KHDRBS2: variants seen among roughly 807,000 people sequenced by gnomAD.
KHDRBS2 encodes the protein KH domain-containing, RNA-binding, signal transduction-associated protein 2.
KHDRBS2 carries 26 observed loss-of-function variants against 44.3 expected under a neutral mutation model. The ratio of observed to expected loss-of-function variants is 0.59; its 90% CI spans 0.43 to 0.81. KHDRBS2 has a LOEUF of 0.81. KHDRBS2 is among the 40% of genes least tolerant of loss of function. KHDRBS2 has a pLI of 0.00. For missense variants in KHDRBS2, 476 were observed against 433.1 expected (o/e 1.10, Z -0.88); for synonymous variants, 194 against 151.1 (o/e 1.28, Z -2.08).
chr6:61,578,159 G>A, the KHDRBS2 span, among the ~76,000 whole-genome samples: 1 of 152,200 alleles, frequency 6.6e-6, no homozygotes, highest in Non-Finnish European at 1.5e-5. Flanking sequence ...GGGCTGAAGG[G>A]TTGTGGGATG....
chr6:61,865,995 G>A (rs113582515), intron 6 of KHDRBS2, among the ~76,000 whole-genome samples: 1,671 of 152,306 alleles, frequency 0.011, 19 homozygotes, highest in Non-Finnish European at 0.015. Context: ...ACTAACTGGC[G>A]TTGTGTGTCT....
chr6:62,137,281 G>A (rs1419459857), intron 2 of KHDRBS2, among the ~76,000 whole-genome samples: 3 of 152,198 alleles, frequency 2.0e-5, no homozygotes, highest in Non-Finnish European at 2.9e-5. Context: ...GATTACAGGC[G>A]TGAGCCACCG....
At chr6:61,786,195 A>T (rs986433236) in intron 6 of KHDRBS2, among the ~76,000 whole-genome samples, 3 of 152,032 alleles carry the variant, frequency 2.0e-5, no homozygotes, top group African/African-American at 7.2e-5. Flanking sequence ...GGAGAGGGAG[A>T]GAGAGAGAGA....
chr6:61,730,483 G>C (rs1368611558), intron 7 of KHDRBS2, among the ~76,000 whole-genome samples: 1 of 152,064 alleles, frequency 6.6e-6, no homozygotes, highest in Non-Finnish European at 1.5e-5. Context: ...ATTAGAAAAG[G>C]ATTTGGAACA....
At chr6:61,944,371 A>G (rs1296373247) in intron 4 of KHDRBS2, among the ~76,000 whole-genome samples, 1 of 152,130 alleles carries the variant, frequency 6.6e-6, no homozygotes, top group Non-Finnish European at 1.5e-5. Flanking sequence ...ATTGAACTGA[A>G]AGTTATTATG....
At chr6:62,078,152 T>C (rs901923236) in intron 2 of KHDRBS2, among the ~76,000 whole-genome samples, 4 of 152,084 alleles carry the variant, frequency 2.6e-5, no homozygotes, top group Admixed American at 6.6e-5. Flanking sequence ...ACTCTAATCA[T>C]GTAACACCCT....
the KHDRBS2 span, among the ~76,000 whole-genome samples, chr6:61,636,474 G>A: frequency 1.3e-5 from 2 of 151,972 alleles, no homozygotes; most frequent in Admixed American, 6.6e-5. Context: ...TCCTCAAATG[G>A]AAATTGTTCT....
chr6:61,931,288 G>A lies in KHDRBS2; in HGVS notation c.484-29917C>T, dbSNP rs1466528399. 2.0e-5 allele frequency among the ~76,000 whole-genome samples: 3 copies of A among 151,902 alleles called. No homozygotes were observed. The East Asian group carries it at 5.8e-4, about 29-fold the overall frequency. ...GTTCATAAATCCGTAACCCTCTGAA[G>A]GTCATTTACTGAAACTTTCAGGTAA... On this transcript the variant is annotated intron_variant, in intron 4 of 8. Coordinates refer to ENST00000281156, the MANE Select transcript of KHDRBS2 (RefSeq NM_152688.4).
intron 4 of KHDRBS2, among the ~76,000 whole-genome samples, chr6:61,973,039 C>T (rs1393722276): frequency 6.6e-6 from 1 of 152,040 alleles, no homozygotes; most frequent in Non-Finnish European, 1.5e-5. Context: ...CCAGCTAAGG[C>T]AGGAGAATCA....
At chr6:61,616,479 A>G in the KHDRBS2 span, among the ~76,000 whole-genome samples, 2 of 31,578 alleles carry the variant, frequency 6.3e-5, no homozygotes, top group African/African-American at 1.1e-4. Flanking sequence ...ACATATATAT[A>G]TATATATATA....
intron 1 of KHDRBS2, among the ~76,000 whole-genome samples, chr6:62,274,959 A>C (rs1840678729): frequency 6.6e-6 from 1 of 151,482 alleles, no homozygotes; most frequent in Admixed American, 6.6e-5. Context: ...ACACATCCCA[A>C]TTAACGTATG....
chr6:62,071,941 A>AT (rs1305207864), intron 2 of KHDRBS2, among the ~76,000 whole-genome samples: 8 of 152,074 alleles, frequency 5.3e-5, no homozygotes, highest in Admixed American at 5.2e-4. Context: ...CAGTATGGCC[A>AT]TTTTCATGAT....
intron 2 of KHDRBS2, among the ~76,000 whole-genome samples, chr6:62,124,299 AG>A (rs1808433511): frequency 6.6e-6 from 1 of 152,140 alleles, no homozygotes; most frequent in Non-Finnish European, 1.5e-5. Context: ...AGTTGCTCAT[AG>A]TTCTGTCATG....
intron 2 of KHDRBS2, among the ~76,000 whole-genome samples, chr6:62,124,700 A>G (rs1306494509): frequency 2.0e-5 from 3 of 152,146 alleles, no homozygotes; most frequent in Non-Finnish European, 4.4e-5. Flanking sequence ...TATGATAAAT[A>G]CACAAGTGCA....
rs796373992 is a variant in KHDRBS2 at position 61,848,551 on chromosome 6, A to G, written c.810+46084T>C. 1.6e-3 allele frequency among the ~76,000 whole-genome samples: 69 copies of G among 42,794 alleles called. 6 individuals are homozygous for G. Among genetic ancestry groups the G allele is most frequent in the South Asian group, 3.1e-3 (4 of 1,288 alleles). The allele number at this position is 42,794 out of a possible 152,430, so 28.1% of individuals were successfully genotyped here. A position where few individuals can be genotyped will look rare whatever the true frequency, so the allele number is the denominator to read the frequency against. ...TATATACATATATATGTATATATAT[A>G]CATATATATATGTATATATATATAC... On this transcript the variant is annotated intron_variant, in intron 6 of 8. Coordinates refer to ENST00000281156, the MANE Select transcript of KHDRBS2 (RefSeq NM_152688.4).
chr6:62,125,274 C>T (rs914205867), intron 2 of KHDRBS2, among the ~76,000 whole-genome samples: 3 of 152,164 alleles, frequency 2.0e-5, no homozygotes, highest in African/African-American at 7.2e-5. Flanking sequence ...ACATCGAGAA[C>T]TCAGCTGGCT....
chr6:61,806,131 T>G (rs1381194722), intron 6 of KHDRBS2, among the ~76,000 whole-genome samples: 1 of 152,196 alleles, frequency 6.6e-6, no homozygotes, highest in African/African-American at 2.4e-5. Context: ...ACACATTTCC[T>G]CAAGAAGTGT....
At chr6:61,919,554 A>C (rs1216783890) in intron 4 of KHDRBS2, among the ~76,000 whole-genome samples, 1 of 151,912 alleles carries the variant, frequency 6.6e-6, no homozygotes, top group African/African-American at 2.4e-5. Flanking sequence ...CTCAATTCTA[A>C]TGTATTGACT....
intron 2 of KHDRBS2, among the ~76,000 whole-genome samples, chr6:62,072,000 A>G (rs544336396): frequency 1.3e-5 from 2 of 151,992 alleles, no homozygotes; most frequent in Non-Finnish European, 1.5e-5. Flanking sequence ...ATTTGTTTGT[A>G]TACTCTTTTA....
Sources: gnomAD v4.1 joint callset for allele counts (sites outside exome capture counted in the v4.1 genomes callset) on GRCh38, gnomAD v4.1.1 for gene constraint, MANE v1.5 for transcripts, NCBI Gene and HGNC (gene_info 2026-07-23, HGNC 2026-07-21) for gene names.